The following APBB2 variants were observed in gnomAD, a reference collection of about 807,000 sequenced individuals.
APBB2 encodes amyloid beta precursor protein binding family B member 2, also known as Fe65-like 1.
APBB2 carries 38 observed loss-of-function variants against 82.5 expected under a neutral mutation model. The ratio of observed to expected loss-of-function variants is 0.46; its 90% CI spans 0.36 to 0.60. The LOEUF (loss-of-function observed/expected upper bound fraction) is 0.60. Among genes scored for constraint, APBB2 ranks in the 20% least tolerant of loss-of-function variants. APBB2 has a pLI of 0.00. For missense variants in APBB2, 772 were observed against 972.3 expected, an observed-to-expected ratio of 0.79 and a Z score of 2.74; for synonymous variants, 341 against 368.2, an observed-to-expected ratio of 0.93 and a Z score of 0.85.
At chr4:41,089,380 T>C (rs1579940862) in intron 3 of APBB2, among the ~76,000 whole-genome samples, 1 of 152,328 alleles carries the variant, frequency 6.6e-6, no homozygotes, top group Non-Finnish European at 1.5e-5. Context: ...GAGCATCATG[T>C]TAGCACTCAA....
chr4:40,880,055 T>C (rs1474113466), intron 12 of APBB2: 1 of 985,266 alleles, frequency 1.0e-6, no homozygotes, highest in Non-Finnish European at 1.2e-6. Flanking sequence ...CTGGGAGCGA[T>C]GGCACTTATG....
In APBB2 at chr4:41,143,099, T is replaced by C. The variant is rs1235611544; in HGVS notation, c.-373A>G. ...CGGCTGGGCAGATCCGACCACAGCA[T>C]GCTTGGCTACAGACCACAGCAGCTC... On this transcript the variant is annotated 5_prime_UTR_variant, in exon 2 of 18. The change abolishes an upstream ATG in the 5' untranslated region. Transcript: ENST00000508593. The C allele has an allele frequency of 6.6e-6, 1 of 152,230 alleles. No individual in the cohort carries two copies. Among genetic ancestry groups the C allele is most frequent in the Non-Finnish European group, 1.5e-5 (1 of 68,060 alleles). 9.4% of individuals were successfully genotyped at this position (152,230 alleles called of 1,614,324 possible).
intron 12 of APBB2, among the ~76,000 whole-genome samples, chr4:40,874,708 C>A (rs1372983149): frequency 6.6e-6 from 1 of 152,070 alleles, no homozygotes; most frequent in Non-Finnish European, 1.5e-5. Flanking sequence ...GTGTTGACTG[C>A]GGGACAGCTC....
At chr4:41,043,320 G>A (rs1378101801) in intron 4 of APBB2, among the ~76,000 whole-genome samples, 1 of 152,154 alleles carries the variant, frequency 6.6e-6, no homozygotes, top group Non-Finnish European at 1.5e-5. Flanking sequence ...TCACTTAAAA[G>A]TGAGGCTGCT....
chr4:41,098,880 T>C (rs149711375), intron 3 of APBB2, among the ~76,000 whole-genome samples: 6 of 152,354 alleles, frequency 3.9e-5, no homozygotes, highest in African/African-American at 1.2e-4. Flanking sequence ...TGTAGACAGA[T>C]TGGGTGGCCT....
chr4:41,095,704 G>C (rs1417485854), intron 3 of APBB2, among the ~76,000 whole-genome samples: 1 of 152,170 alleles, frequency 6.6e-6, no homozygotes, highest in Non-Finnish European at 1.5e-5. Context: ...CCCATCTGCT[G>C]CTCACACGTA....
At chr4:41,106,765 C>T (rs13104886) in intron 2 of APBB2, among the ~76,000 whole-genome samples, 32,557 of 151,938 alleles carry the variant, frequency 0.21, 3,668 homozygotes, top group Middle Eastern at 0.25. Flanking sequence ...AGTGAGCCAC[C>T]GTGCCTGGCC....
chr4:40,945,436 G>A (rs1179753625), intron 6 of APBB2, among the ~76,000 whole-genome samples: 1 of 152,136 alleles, frequency 6.6e-6, no homozygotes, highest in Non-Finnish European at 1.5e-5. Flanking sequence ...GAATGCTTTT[G>A]TCAATTATTA....
At chr4:41,002,661 T>A (rs544667279) in intron 6 of APBB2, among the ~76,000 whole-genome samples, 17 of 152,340 alleles carry the variant, frequency 1.1e-4, no homozygotes, top group Non-Finnish European at 2.9e-5. Flanking sequence ...ATTGTGAGAT[T>A]TCTGAATTTA....
chr4:41,162,196 GTCTT>G lies in APBB2; in HGVS notation c.-416-19058_-416-19055del, dbSNP rs1765343758. ...ATCTGATCAGTGTTCAAATTTCCCC[GTCTT>G]TTTTTTTTTTTTTTTTACAATTTGT... On this transcript the variant is annotated intron_variant, in intron 1 of 17. Coordinates refer to ENST00000508593, the MANE Select transcript of APBB2 (RefSeq NM_004307.2). Among the ~76,000 whole-genome samples, 4 of 135,706 alleles carry G rather than the reference GTCTT, an allele frequency of 2.9e-5. No homozygotes were observed. In the South Asian group the frequency reaches 9.0e-4, roughly 30 times the overall value. 89.0% of individuals were successfully genotyped at this position (135,706 alleles called of 152,430 possible).
At chr4:40,934,173 T>G (rs1784860306) in intron 10 of APBB2, among the ~76,000 whole-genome samples, 3 of 152,200 alleles carry the variant, frequency 2.0e-5, no homozygotes, top group Admixed American at 1.3e-4. Context: ...TAAAGACTTC[T>G]AAAGCCCACC....
intron 5 of APBB2, among the ~76,000 whole-genome samples, chr4:41,031,797 C>A (rs1435148739): frequency 6.6e-6 from 1 of 152,076 alleles, no homozygotes; most frequent in South Asian, 2.1e-4. Context: ...TAAAGGATCC[C>A]TAAAAGAATT....
At chr4:41,213,972 G>T (rs901818879) in intron 1 of APBB2, among the ~76,000 whole-genome samples, 7 of 152,208 alleles carry the variant, frequency 4.6e-5, no homozygotes, top group Admixed American at 3.9e-4. Context: ...CGCTCTTCCC[G>T]CAGGCGCCCA....
At chr4:40,829,102 G>A (rs532117007) in intron 13 of APBB2, among the ~76,000 whole-genome samples, 2 of 152,332 alleles carry the variant, frequency 1.3e-5, no homozygotes, top group African/African-American at 2.4e-5. Context: ...GGAAAGGGCT[G>A]GCTAAAAGAA....
chr4:41,008,123 C>T (rs1286549645), intron 6 of APBB2, among the ~76,000 whole-genome samples: 1 of 152,172 alleles, frequency 6.6e-6, no homozygotes, highest in Non-Finnish European at 1.5e-5. Flanking sequence ...TCCAGTTGAA[C>T]CAGATGAAAT....
chr4:41,043,377 G>GA (rs533615775), intron 4 of APBB2, among the ~76,000 whole-genome samples: 3 of 152,048 alleles, frequency 2.0e-5, no homozygotes, highest in South Asian at 4.2e-4. Flanking sequence ...AACACTAAAT[G>GA]AAAAAAACTA....
rs774428951 is a variant in APBB2 at position 40,823,597 on chromosome 4, T to C, written c.1932+47A>G. On this transcript the variant is annotated intron_variant, in intron 16 of 17. Transcript: ENST00000508593. ...TTCCACAGAAAACCACTGTATCTTATACTCACTGTATAAGACACACCAATG... is the reference window on the plus strand; with the variant it reads ...TTCCACAGAAAACCACTGTATCTTACACTCACTGTATAAGACACACCAATG... 43 of 1,342,326 alleles carry C rather than the reference T, an allele frequency of 3.2e-5. 1 individual carries two copies. The highest frequency in any genetic ancestry group is 4.4e-5 in the Non-Finnish European group (41 of 936,026). The allele number at this position is 1,342,326 out of a possible 1,614,324, so 83.2% of individuals were successfully genotyped here.
At chr4:40,939,229 G>C (rs1786204496) in intron 7 of APBB2, among the ~76,000 whole-genome samples, 1 of 152,160 alleles carries the variant, frequency 6.6e-6, no homozygotes, top group African/African-American at 2.4e-5. Flanking sequence ...ATTGCCTGCT[G>C]GAATGCTGGG....
At chr4:40,937,416 CAT>C (rs1421861739) in intron 7 of APBB2, among the ~76,000 whole-genome samples, 1 of 152,178 alleles carries the variant, frequency 6.6e-6, no homozygotes, top group Non-Finnish European at 1.5e-5. Context: ...ACTCTTTGGA[CAT>C]AAGGGTATCT....
Sources: allele counts gnomAD v4.1 joint callset (sites outside exome capture counted in the v4.1 genomes callset), GRCh38; gene constraint gnomAD v4.1.1; transcripts MANE v1.5; gene names NCBI Gene and HGNC (gene_info 2026-07-23, HGNC 2026-07-21).